The following CACNB1 variants were observed in gnomAD, a reference collection of about 807,000 sequenced individuals.
CACNB1 encodes the protein voltage-dependent L-type calcium channel subunit beta-1.
CACNB1 carries 29 observed loss-of-function variants against 71.6 expected under a neutral mutation model. The observed-to-expected ratio is 0.40, with a 90% CI of 0.30 to 0.55. The LOEUF (loss-of-function observed/expected upper bound fraction) is 0.55. Ranked by LOEUF, CACNB1 falls within the 20% of genes least tolerant of loss-of-function variation. The pLI, the probability that CACNB1 is intolerant of heterozygous loss-of-function variation, is 0.38. For missense variants in CACNB1, 623 were observed against 801.8 expected (o/e 0.78, Z 2.69); for synonymous variants, 300 against 319.6 (o/e 0.94, Z 0.65).
At chr17:39,183,076 C>T (rs780434911) in intron 11 of CACNB1, 5 of 370,686 alleles carry the variant, frequency 1.3e-5, no homozygotes, top group Non-Finnish European at 1.9e-5. Context: ...TACCGATTTC[C>T]CCTCTATCAA....
chr17:39,195,960 A>G (rs1055543651), intron 1 of CACNB1, among the ~76,000 whole-genome samples: 1 of 152,202 alleles, frequency 6.6e-6, no homozygotes, highest in Non-Finnish European at 1.5e-5. Flanking sequence ...TAAGGGCGTC[A>G]GGTATTTCCA....
At chr17:39,177,619 T>C in intron 12 of CACNB1, 84 bp from the exon 13 acceptor site, 1 of 1,093,412 alleles carries the variant, frequency 9.1e-7, no homozygotes, top group South Asian at 1.5e-5. Flanking sequence ...GTGCAGTGGG[T>C]AGAGTCAAGG....
At chr17:39,187,676 T>C in intron 3 of CACNB1, 75 bp from the exon 4 acceptor site, 1 of 1,511,624 alleles carries the variant, frequency 6.6e-7, no homozygotes, top group Non-Finnish European at 9.2e-7. Context: ...CTGACAGTAG[T>C]GGTGGTTACT....
In CACNB1 at chr17:39,186,177, A is replaced by G. The variant is rs1700672522; in HGVS notation, c.628+319T>C. 5 of 1,309,624 alleles carry G rather than the reference A, an allele frequency of 3.8e-6. No individual in the cohort carries two copies. Among genetic ancestry groups the G allele is most frequent in the Non-Finnish European group, 5.5e-6 (5 of 912,886 alleles). 81.1% of individuals were successfully genotyped at this position (1,309,624 alleles called of 1,614,324 possible). A position where few individuals can be genotyped will look rare whatever the true frequency, so the allele number is the denominator to read the frequency against. On this transcript the variant is annotated intron_variant, in intron 6 of 13. Coordinates refer to ENST00000394303, the MANE Select transcript of CACNB1 (RefSeq NM_000723.5). The surrounding 1 kb of genome is among the most constrained non-coding windows in gnomAD (Gnocchi z 4.1). The stretch of plus-strand genomic sequence containing the variant: ...GAAGGAGTGAGATGAACGTGGAGAC[A>G]CAAGTACAGAACGCAGGGATGGGGA...
At chr17:39,195,223 C>T (rs765797236) in intron 1 of CACNB1, 2 of 394,658 alleles carry the variant, frequency 5.1e-6, no homozygotes, top group South Asian at 5.6e-5. Flanking sequence ...ACGGAAACCA[C>T]CAAACCAAGC....
intron 12 of CACNB1, 115 bp from the exon 13 acceptor site, chr17:39,177,650 A>G (rs1247398803): frequency 1.9e-5 from 15 of 807,098 alleles, no homozygotes; most frequent in Non-Finnish European, 2.5e-5. Flanking sequence ...CAAGGTTAAA[A>G]AGAGGCCTCT....
intron 3 of CACNB1, among the ~76,000 whole-genome samples, chr17:39,188,181 G>C (rs538360438): frequency 6.6e-6 from 1 of 152,266 alleles, no homozygotes; most frequent in Non-Finnish European, 1.5e-5. Context: ...TACTCAGGGG[G>C]CTGAGGCATG....
chr17:39,180,827 C>A (rs1286385438), intron 11 of CACNB1, among the ~76,000 whole-genome samples: 1 of 152,054 alleles, frequency 6.6e-6, no homozygotes, highest in Non-Finnish European at 1.5e-5. Flanking sequence ...ATCCACCTGC[C>A]TCAGCCTCCC....
rs549160535 is a variant in CACNB1 at position 39,174,851 on chromosome 17, G to A, written c.*342C>T. The A allele has an allele frequency of 4.2e-6, 1 of 240,700 alleles. No homozygotes were observed. The highest frequency in any genetic ancestry group is 2.3e-5 in the African/African-American group (1 of 44,056). 14.9% of individuals were successfully genotyped at this position (240,700 alleles called of 1,614,324 possible). On this transcript the variant is annotated 3_prime_UTR_variant, in exon 14 of 14. Coordinates refer to ENST00000394303, the MANE Select transcript of CACNB1 (RefSeq NM_000723.5). ...GGAGAAGGAGAGCCATCCCACTTAG[G>A]ACCGTCACTTAGGGCCCCGAGTAGA...
At chr17:39,196,166 G>A (rs914578012) in intron 1 of CACNB1, among the ~76,000 whole-genome samples, 1 of 152,154 alleles carries the variant, frequency 6.6e-6, no homozygotes, top group African/African-American at 2.4e-5. Flanking sequence ...TGGCTGCTGG[G>A]ATCAGGGTAC....
chr17:39,179,415 C>T (rs1226142034), intron 11 of CACNB1, among the ~76,000 whole-genome samples: 1 of 151,034 alleles, frequency 6.6e-6, no homozygotes, highest in East Asian at 1.9e-4. Context: ...AGTGAAACCC[C>T]GTCTCTACTA....
intron 11 of CACNB1, among the ~76,000 whole-genome samples, chr17:39,179,772 G>T (rs1464887270): frequency 6.6e-6 from 1 of 151,870 alleles, no homozygotes; most frequent in African/African-American, 2.4e-5. Context: ...AGCTTGGCGT[G>T]GTAGCACATG....
intron 11 of CACNB1, chr17:39,182,935 C>G: frequency 5.1e-6 from 5 of 983,144 alleles, no homozygotes; most frequent in Middle Eastern, 5.2e-4. Context: ...GCTTGAATTT[C>G]AAGCCCATGC....
At position 39,186,176 on chromosome 17, in the gene CACNB1, C is replaced by A; in HGVS notation, c.628+320G>T. ...AGAAGGAGTGAGATGAACGTGGAGA[C>A]ACAAGTACAGAACGCAGGGATGGGG... is the stretch of plus-strand genomic sequence containing the variant. On this transcript the variant is annotated intron_variant, in intron 6 of 13. Transcript: ENST00000394303. This position sits in a 1 kb window ranked among gnomAD's most constrained non-coding sequence, Gnocchi z 4.1. The A allele has an allele frequency of 7.6e-7, 1 of 1,323,568 alleles. No individual in the cohort carries two copies. The highest frequency in any genetic ancestry group is 1.2e-5 in the South Asian group (1 of 80,704). 82.0% of individuals were successfully genotyped at this position (1,323,568 alleles called of 1,614,324 possible). A position where few individuals can be genotyped will look rare whatever the true frequency, so the allele number is the denominator to read the frequency against.
chr17:39,187,692 GTTTAC>G, intron 3 of CACNB1, 91 bp from the exon 4 acceptor site: 1 of 1,418,712 alleles, frequency 7.0e-7, no homozygotes, highest in Admixed American at 1.7e-5. Context: ...TTACTTGGAT[GTTTAC>G]TTTATAATAG....
chr17:39,196,998 C>T (rs1170597530), intron 1 of CACNB1, among the ~76,000 whole-genome samples: 1 of 152,188 alleles, frequency 6.6e-6, no homozygotes, highest in South Asian at 2.1e-4. Flanking sequence ...CCACCCCCGC[C>T]CCACCCACAC....
intron 1 of CACNB1, 115 bp from the exon 2 acceptor site, chr17:39,195,085 C>T: frequency 1.5e-6 from 1 of 687,308 alleles, no homozygotes; most frequent in Non-Finnish European, 2.6e-6. Context: ...AGCCCCACCT[C>T]CACCCCCCTG....
chr17:39,177,986 G>A lies in CACNB1; in HGVS notation c.1144C>T (p.Pro382Ser). The part of the protein sequence containing the change: ...AASEKLAQCP[P>S]EMFDIILDEN... ...TTCCCTGGGATCTAGGCACTCACAG[G>A]GGGGCACTGTGCCAGCTTTTCCGAG... is the stretch of plus-strand genomic sequence containing the variant. The change falls in exon 12 of 14, where the codon CCT becomes TCT. Residue 382 changes from proline to serine, a missense_variant and splice_region_variant. Transcript: ENST00000394303. 1 of 1,611,850 alleles carries A rather than the reference G, an allele frequency of 6.2e-7. No individual in the cohort carries two copies. Among genetic ancestry groups the A allele is most frequent in the Non-Finnish European group, 8.5e-7 (1 of 1,177,972 alleles).
Position 39,184,339 on chromosome 17 carries a change from A to G in CACNB1, c.774T>C (p.His258=). Residue 258 remains histidine (H), a synonymous_variant, in exon 9 of 14, where the codon CAT becomes CAC. Coordinates refer to ENST00000394303, the MANE Select transcript of CACNB1 (RefSeq NM_000723.5). ...CAGGATCTTACCTGCCATCAAACCG[A>G]TGCTTCAAGAAGTCAAATAAAGCTT... The part of the protein sequence containing the change: ...MQKALFDFLK[H]RFDGRISITR... 1 of 1,355,068 alleles carries G rather than the reference A, an allele frequency of 7.4e-7. No individual in the cohort carries two copies. The allele number at this position is 1,355,068 out of a possible 1,614,324, so 83.9% of individuals were successfully genotyped here.
Sources: gnomAD v4.1 joint callset for allele counts (sites outside exome capture counted in the v4.1 genomes callset) on GRCh38, gnomAD v4.1.1 for gene constraint, Gnocchi (gnomAD v3.1) non-coding constraint, MANE v1.5 for transcripts, NCBI Gene and HGNC (gene_info 2026-07-23, HGNC 2026-07-21) for gene names.